Variants in ADAM2 observed in about 807,000 individuals in gnomAD.
ADAM2 encodes the protein disintegrin and metalloproteinase domain-containing protein 2.
Under a neutral mutation model 99.3 loss-of-function variants are expected in ADAM2, and 101 were observed. The observed-to-expected ratio is 1.02, with a 90% CI of 0.87 to 1.20. The LOEUF is 1.20. Ranked by LOEUF, ADAM2 falls within the 50% of genes most tolerant of loss-of-function variation. The pLI is 0.00. For synonymous variants in ADAM2, 323 were observed against 287.6 expected (o/e 1.12, Z -1.25); for missense variants, 948 against 878.7 (o/e 1.08, Z -1.00).
At chr8:39,822,136 G>A (rs1805216112) in intron 4 of ADAM2, among the ~76,000 whole-genome samples, 1 of 151,970 alleles carries the variant, frequency 6.6e-6, no homozygotes, top group South Asian at 2.1e-4. Context: ...TCAATACACT[G>A]TATTTCTATT....
chr8:39,833,208 T>C (rs552016884), intron 3 of ADAM2, among the ~76,000 whole-genome samples: 1 of 152,240 alleles, frequency 6.6e-6, no homozygotes, highest in Non-Finnish European at 1.5e-5. Context: ...TTGAGTCTTT[T>C]TTTAATGTTA....
At position 39,837,155 on chromosome 8, in the gene ADAM2, T is replaced by C. The variant is rs1416830349; in HGVS notation, c.113A>G (p.Lys38Arg). Residue 38 changes from lysine (K) to arginine (R), a missense_variant, in exon 2 of 21, where the codon AAG (lysine) becomes AGG (arginine). By Grantham distance (26) the Lys-to-Arg change is conservative (BLOSUM62 2). Coordinates refer to ENST00000265708, the MANE Select transcript of ADAM2 (RefSeq NM_001464.5). ...TVPEKIRSII[K>R]EGIESQASYK... ...CATTACCTGCGATTCAATTCCTTCC[T>C]TTATTATTGACCGTATTTTCTCCGG... 1.9e-6 allele frequency: 3 copies of C among 1,605,556 alleles called. No individual in the cohort carries two copies. Among genetic ancestry groups the C allele is most frequent in the South Asian group, 1.1e-5 (1 of 89,810 alleles).
intron 11 of ADAM2, among the ~76,000 whole-genome samples, chr8:39,773,479 C>A (rs976842620): frequency 1.6e-4 from 24 of 151,526 alleles, no homozygotes; most frequent in African/African-American, 5.6e-4. Context: ...AAATATGATT[C>A]TTTAAAAAAA....
At chr8:39,751,239 GTGC>G (rs1460631124) in intron 16 of ADAM2, among the ~76,000 whole-genome samples, 1 of 152,186 alleles carries the variant, frequency 6.6e-6, no homozygotes, top group Non-Finnish European at 1.5e-5. Context: ...ATACAGATTA[GTGC>G]TGCTGTAGTT....
intron 4 of ADAM2, among the ~76,000 whole-genome samples, chr8:39,824,021 C>G (rs1805298722): frequency 6.6e-6 from 1 of 152,170 alleles, no homozygotes; most frequent in South Asian, 2.1e-4. Flanking sequence ...TAGTGACTCA[C>G]TGCTGTAATC....
chr8:39,803,177 G>C (rs1458732405), intron 7 of ADAM2, among the ~76,000 whole-genome samples: 4 of 152,144 alleles, frequency 2.6e-5, no homozygotes, highest in Admixed American at 2.6e-4. Flanking sequence ...GACTGAGAGT[G>C]GCACTAATGC....
At chr8:39,767,390 C>G (rs1245794700) in intron 12 of ADAM2, 139 bp from the exon 13 acceptor site, 3 of 738,332 alleles carry the variant, frequency 4.1e-6, no homozygotes, top group Non-Finnish European at 6.7e-6. Flanking sequence ...AATAAAACCA[C>G]TTATTCATTT....
At chr8:39,792,510 T>C (rs1432628818) in intron 7 of ADAM2, among the ~76,000 whole-genome samples, 3 of 152,058 alleles carry the variant, frequency 2.0e-5, no homozygotes, top group Non-Finnish European at 4.4e-5. Context: ...CTTACTAATA[T>C]TTTCACTTAG....
chr8:39,762,572 G>A (rs1046263198), intron 14 of ADAM2, among the ~76,000 whole-genome samples: 3 of 152,126 alleles, frequency 2.0e-5, no homozygotes, highest in Non-Finnish European at 2.9e-5. Flanking sequence ...GTATTTTGTA[G>A]GTGTAATGAA....
chr8:39,800,824 A>T (rs187101693), intron 7 of ADAM2, among the ~76,000 whole-genome samples: 85 of 152,156 alleles, frequency 5.6e-4, no homozygotes, highest in African/African-American at 1.8e-3. Flanking sequence ...TCAGCTGTTG[A>T]TACTTGTGTA....
intron 10 of ADAM2, among the ~76,000 whole-genome samples, chr8:39,784,093 C>G (rs1318769461): frequency 6.6e-6 from 1 of 152,180 alleles, no homozygotes; most frequent in Non-Finnish European, 1.5e-5. Flanking sequence ...AAATTGCAAT[C>G]TACAGCCCTG....
chr8:39,777,707 G>A (rs940777489), intron 10 of ADAM2, among the ~76,000 whole-genome samples: 1 of 151,912 alleles, frequency 6.6e-6, no homozygotes, highest in Non-Finnish European at 1.5e-5. Context: ...GCAAAGAAAT[G>A]ATAAAGGCTT....
intron 16 of ADAM2, among the ~76,000 whole-genome samples, chr8:39,755,471 T>C (rs1209699821): frequency 6.6e-6 from 1 of 152,094 alleles, no homozygotes; most frequent in Non-Finnish European, 1.5e-5. Context: ...GGTCAGGAGT[T>C]TGAGATCAGC....
chr8:39,781,683 T>C (rs762072044), intron 10 of ADAM2, among the ~76,000 whole-genome samples: 3 of 152,146 alleles, frequency 2.0e-5, no homozygotes, highest in Non-Finnish European at 4.4e-5. Context: ...AAAGTTTCCA[T>C]AAAAAGCAAT....
intron 14 of ADAM2, among the ~76,000 whole-genome samples, chr8:39,765,017 C>T (rs189646839): frequency 3.2e-4 from 46 of 144,208 alleles, no homozygotes; most frequent in South Asian, 9.3e-4. Context: ...AGCAAGACTC[C>T]GGCTCCAAAA....
At chr8:39,764,320 AG>A (rs1802480544) in intron 14 of ADAM2, among the ~76,000 whole-genome samples, 1 of 152,144 alleles carries the variant, frequency 6.6e-6, no homozygotes, top group Non-Finnish European at 1.5e-5. Context: ...TGAGGCAAAA[AG>A]ATCACTTGAC....
chr8:39,821,710 G>C (rs751472006), intron 4 of ADAM2, 48 bp from the exon 5 acceptor site: 7 of 1,298,664 alleles, frequency 5.4e-6, no homozygotes, highest in African/African-American at 2.9e-5. Context: ...TTGTGTTACA[G>C]ATACAATTTT....
intron 18 of ADAM2, 55 bp from the exon 19 acceptor site, chr8:39,746,686 A>T: frequency 7.3e-7 from 1 of 1,360,684 alleles, no homozygotes; most frequent in Non-Finnish European, 1.0e-6. Flanking sequence ...TATAGTAAAG[A>T]TATTTCTGTA....
At chr8:39,829,420 A>G (rs891405254) in intron 3 of ADAM2, among the ~76,000 whole-genome samples, 1 of 152,030 alleles carries the variant, frequency 6.6e-6, no homozygotes, top group Non-Finnish European at 1.5e-5. Context: ...GAAATTATTT[A>G]CAGTTGGAGA....
Sources: gnomAD v4.1 joint callset for allele counts (sites outside exome capture counted in the v4.1 genomes callset) on GRCh38, gnomAD v4.1.1 for gene constraint, MANE v1.5 for transcripts, NCBI Gene and HGNC (gene_info 2026-07-23, HGNC 2026-07-21) for gene names.